ACO2: variants seen among roughly 807,000 people sequenced by gnomAD.
The protein encoded by ACO2 is aconitase 2.
Under a neutral mutation model 84.5 loss-of-function variants are expected in ACO2, and 31 were observed. The ratio of observed to expected loss-of-function variants is 0.37; its 90% CI spans 0.28 to 0.50. The LOEUF (loss-of-function observed/expected upper bound fraction) is 0.50. Among genes scored for constraint, ACO2 ranks in the 20% least tolerant of loss-of-function variants. The pLI, the probability that ACO2 is intolerant of heterozygous loss-of-function variation, is 0.97. For synonymous variants in ACO2, 414 were observed against 412.7 expected, an observed-to-expected ratio of 1.00 and a Z score of -0.04; for missense variants, 685 against 1,029.3, an observed-to-expected ratio of 0.67 and a Z score of 4.58.
Position 41,515,624 on chromosome 22 carries a change from A to C in ACO2, c.684+89A>C, listed in dbSNP as rs2066470159. 4 of 1,574,494 alleles carry C rather than the reference A, an allele frequency of 2.5e-6. No individual in the cohort carries two copies. Among genetic ancestry groups the C allele is most frequent in the Non-Finnish European group, 8.6e-7 (1 of 1,157,818 alleles). ...GAGACGGTGGGACCCAGGAGGGAAAAGGGAACAAGTTAGACTCGAATCTTC... is the reference window on the plus strand; with the variant it reads ...GAGACGGTGGGACCCAGGAGGGAAACGGGAACAAGTTAGACTCGAATCTTC... On this transcript the variant is annotated intron_variant, in intron 5 of 17. Coordinates refer to ENST00000216254, the MANE Select transcript of ACO2 (RefSeq NM_001098.3). The surrounding 1 kb of genome is among the most constrained non-coding windows in gnomAD (Gnocchi z 5.8).
intron 14 of ACO2, 67 bp from the exon 15 acceptor site, chr22:41,526,195 G>A (rs2066591882): frequency 6.7e-7 from 1 of 1,483,166 alleles, no homozygotes; most frequent in African/African-American, 1.4e-5. Flanking sequence ...GCCTGCCTCT[G>A]GAGGGCTTGT....
chr22:41,514,975 G>T (rs961714720), intron 4 of ACO2, among the ~76,000 whole-genome samples: 2 of 152,306 alleles, frequency 1.3e-5, no homozygotes, highest in Middle Eastern at 3.4e-3. Context: ...CACCAACCCC[G>T]ATGAGAAGCC....
chr22:41,505,753 A>G (rs1214696975), intron 2 of ACO2, among the ~76,000 whole-genome samples: 2 of 149,976 alleles, frequency 1.3e-5, no homozygotes, highest in Non-Finnish European at 3.0e-5. Flanking sequence ...GCCAATCAGT[A>G]GTGGCAAAGG....
chr22:41,485,494 G>A (rs1036892368), intron 1 of ACO2, among the ~76,000 whole-genome samples: 5 of 135,542 alleles, frequency 3.7e-5, no homozygotes, highest in Non-Finnish European at 7.6e-5. Context: ...AGTCTGGAGT[G>A]CAGTGGCACG....
chr22:41,496,264 G>T (rs1310649915), intron 1 of ACO2, among the ~76,000 whole-genome samples: 1 of 152,048 alleles, frequency 6.6e-6, no homozygotes, highest in Admixed American at 6.6e-5. Context: ...GCCGTGAGCT[G>T]AGATCGTGCC....
intron 1 of ACO2, among the ~76,000 whole-genome samples, chr22:41,490,782 G>A (rs1272303724): frequency 1.3e-5 from 2 of 152,092 alleles, no homozygotes; most frequent in African/African-American, 4.8e-5. Context: ...AACCTGCTCT[G>A]TATTTTAATC....
At chr22:41,524,770 G>T in intron 12 of ACO2, 76 bp from the exon 13 acceptor site, 1 of 1,599,760 alleles carries the variant, frequency 6.3e-7, no homozygotes, top group South Asian at 1.1e-5. Context: ...CTCAGTTTTG[G>T]CCTAGGCTTT....
At chr22:41,499,541 C>T (rs2066338814) in intron 1 of ACO2, among the ~76,000 whole-genome samples, 185 bp from the exon 2 acceptor site, 1 of 152,130 alleles carries the variant, frequency 6.6e-6, no homozygotes, top group Admixed American at 6.5e-5. Context: ...TTTTTCCTAC[C>T]CCAGGCTGTG....
chr22:41,509,881 A>ACAATCTCGGCTCACTG (rs749437851), intron 3 of ACO2, among the ~76,000 whole-genome samples: 5 of 143,058 alleles, frequency 3.5e-5, no homozygotes, highest in African/African-American at 1.1e-4. Flanking sequence ...GCAGTGACAC[A>ACAATCTCGGCTCACTG]CAATCTCGGC....
rs913909754 is a variant in ACO2, at chr22:41,477,177, G to A, written c.36+7995G>A. Among the ~76,000 whole-genome samples the A allele has an allele frequency of 5.3e-5, 8 of 149,914 alleles. No homozygotes were observed. The South Asian group carries it at 8.5e-4, about 16-fold the overall frequency. On this transcript the variant is annotated intron_variant, in intron 1 of 17. Transcript: ENST00000216254. ...ATTTATTTATTTATTTTTTTGAGAC[G>A]GAGTCTGGCTCTGTCTCCCAGGCTG... is the stretch of plus-strand genomic sequence containing the variant.
At position 41,518,524 on chromosome 22, in the gene ACO2, T is replaced by C; in HGVS notation, c.984T>C (p.Pro328=). The C allele has an allele frequency of 6.2e-7, 1 of 1,613,922 alleles. No homozygotes were observed. The highest frequency in any genetic ancestry group is 1.1e-5 in the South Asian group (1 of 91,076). ...LADEFKDHLV[P]DPGCHYDQLI... is the part of the protein sequence containing the mutation. ...ATGAATTCAAGGATCACTTGGTGCC[T>C]GACCCTGGCTGCCATTATGACCAAC... Residue 328 remains proline (P), a synonymous_variant, in exon 8 of 18, where the codon CCT becomes CCC. Coordinates refer to ENST00000216254, the MANE Select transcript of ACO2 (RefSeq NM_001098.3).
rs115045952 is a variant in ACO2, at chr22:41,494,022, C to A, written c.37-5704C>A. Among the ~76,000 whole-genome samples, 711 of 152,178 alleles carry A rather than the reference C, an allele frequency of 4.7e-3. 6 individuals are homozygous for A. Among genetic ancestry groups the A allele is most frequent in the African/African-American group, 0.017 (699 of 41,534 alleles). ...TGCAGTGAGCTGAGATCACACCAGA[C>A]AGCACAGATCTAGAACATGTTCATC... is the stretch of plus-strand genomic sequence containing the variant. On this transcript the variant is annotated intron_variant, in intron 1 of 17. Coordinates refer to ENST00000216254, the MANE Select transcript of ACO2 (RefSeq NM_001098.3).
intron 6 of ACO2, among the ~76,000 whole-genome samples, chr22:41,516,300 G>T (rs529549999): frequency 6.6e-6 from 1 of 152,348 alleles, no homozygotes; most frequent in Admixed American, 6.5e-5. Flanking sequence ...CTTCATTCAT[G>T]AAGCAGCTGC....
intron 8 of ACO2, among the ~76,000 whole-genome samples, chr22:41,519,370 T>G (rs2066502344): frequency 6.6e-6 from 1 of 152,192 alleles, no homozygotes; most frequent in Non-Finnish European, 1.5e-5. Flanking sequence ...GTGTGGAACC[T>G]ACAGCAGTCG....
intron 4 of ACO2, among the ~76,000 whole-genome samples, chr22:41,512,438 A>G (rs1233878386): frequency 1.3e-5 from 2 of 152,038 alleles, no homozygotes; most frequent in Non-Finnish European, 2.9e-5. Flanking sequence ...TACTATCCAC[A>G]CCCTACAGAG....
intron 4 of ACO2, among the ~76,000 whole-genome samples, chr22:41,514,065 C>T (rs113090938): frequency 2.4e-4 from 36 of 152,354 alleles, no homozygotes; most frequent in Non-Finnish European, 4.7e-4. Context: ...AATCCTTGTA[C>T]GTGGCAGCAT....
At chr22:41,512,034 G>C (rs2066437115) in intron 4 of ACO2, 66 bp downstream of exon 4, 1 of 1,366,276 alleles carries the variant, frequency 7.3e-7, no homozygotes, top group South Asian at 1.4e-5. Flanking sequence ...AGGCCTATGG[G>C]GGGAGGGGGT....
At chr22:41,516,889 A>AT (rs1358545125) in intron 6 of ACO2, among the ~76,000 whole-genome samples, 4 of 150,516 alleles carry the variant, frequency 2.7e-5, no homozygotes, top group Admixed American at 2.6e-4. Flanking sequence ...TGCCTGGCTA[A>AT]TTTTTTTTGT....
rs796107121 is a variant in ACO2 at position 41,506,257 on chromosome 22, C to CT, written c.174-1521dup. Reference sequence around the variant, plus strand: ...CACGCATCACCCTGTCTGGCTCATTCTTTTTTTTTTTTTGAGATAGAGTCT... The same window carrying CT: ...CACGCATCACCCTGTCTGGCTCATTCTTTTTTTTTTTTTTGAGATAGAGTCT... On this transcript the variant is annotated intron_variant, in intron 2 of 17. Transcript: ENST00000216254. 3.6e-3 allele frequency among the ~76,000 whole-genome samples: 513 copies of CT among 142,260 alleles called. 3 individuals carry two copies. Among genetic ancestry groups the CT allele is most frequent in the Admixed American group, 7.6e-3 (108 of 14,124 alleles). 93.3% of individuals were successfully genotyped at this position (142,260 alleles called of 152,430 possible).
Sources: gnomAD v4.1 joint callset for allele counts (sites outside exome capture counted in the v4.1 genomes callset) on GRCh38, gnomAD v4.1.1 for gene constraint, Gnocchi (gnomAD v3.1) non-coding constraint, MANE v1.5 for transcripts, NCBI Gene and HGNC (gene_info 2026-07-23, HGNC 2026-07-21) for gene names.